Variants in TPRA1 observed in about 807,000 individuals in gnomAD.
TPRA1 encodes the protein transmembrane protein adipocyte associated 1, also known as transmembrane protein adipocyte-associated 1.
TPRA1 carries 28 observed loss-of-function variants against 40.1 expected under a neutral mutation model. That is an observed-to-expected ratio of 0.70 (90% confidence interval 0.52 to 0.96). The LOEUF is 0.96. TPRA1 is among the 40% of genes least tolerant of loss of function. The probability of loss-of-function intolerance (pLI) is 0.00; values close to 1 mark genes in which losing one functional copy is unlikely to be tolerated. For synonymous variants in TPRA1, 219 were observed against 209.7 expected, an observed-to-expected ratio of 1.04 and a Z score of -0.38; for missense variants, 441 against 482.6, an observed-to-expected ratio of 0.91 and a Z score of 0.81.
At chr3:127,577,712 T>C (rs1456817503) in intron 3 of TPRA1, among the ~76,000 whole-genome samples, 1 of 151,980 alleles carries the variant, frequency 6.6e-6, no homozygotes, top group African/African-American at 2.4e-5. Flanking sequence ...GGTATATCCA[T>C]CCCCTTCCTC....
chr3:127,571,375 CT>C lies in TPRA1; in HGVS notation c.*2145del, dbSNP rs571708469. The C allele has an allele frequency of 3.0e-4, 46 of 152,198 alleles. No individual in the cohort carries two copies. The highest frequency in any genetic ancestry group is 5.9e-4 in the Admixed American group (9 of 15,278). 9.4% of individuals were successfully genotyped at this position (152,198 alleles called of 1,614,324 possible). On this transcript the variant is annotated 3_prime_UTR_variant, in exon 11 of 11. Transcript: ENST00000355552. ...GACAACTATTGATCTCTGCAGAAGA[CT>C]AATAAGAGTAATTAAAACTAATTAA...
At chr3:127,586,228 G>A (rs917072291) in intron 1 of TPRA1, among the ~76,000 whole-genome samples, 2 of 152,288 alleles carry the variant, frequency 1.3e-5, no homozygotes, top group African/African-American at 2.4e-5. Flanking sequence ...TGTGCAGCGC[G>A]CCTCCTGCAT....
At chr3:127,575,658 A>G (rs41266479) in intron 8 of TPRA1, 91 bp downstream of exon 8, 191,504 of 1,547,354 alleles carry the variant, frequency 0.12, 12,534 homozygotes, top group East Asian at 0.18. Flanking sequence ...CTGGAACTCT[A>G]CAGCTCCAGC....
Position 127,580,002 on chromosome 3 carries a change from C to T in TPRA1, c.125+20G>A, listed in dbSNP as rs1450134540. On this transcript the variant is annotated intron_variant, in intron 2 of 10. Transcript: ENST00000355552. Reference sequence around the variant, plus strand: ...GCCACTGACACTCAGCGAGCCTGCCCAGCGTTGTGACTGCCTCACCTGGAG... The same window carrying T: ...GCCACTGACACTCAGCGAGCCTGCCTAGCGTTGTGACTGCCTCACCTGGAG... The T allele has an allele frequency of 8.7e-6, 14 of 1,612,898 alleles. No homozygotes were observed. The highest frequency in any genetic ancestry group is 5.9e-6 in the Non-Finnish European group (7 of 1,180,008).
upstream of TPRA1, among the ~76,000 whole-genome samples, chr3:127,592,711 G>C (rs1248298038): frequency 6.6e-6 from 1 of 152,222 alleles, no homozygotes; most frequent in East Asian, 1.9e-4. Context: ...ATGAGCGCCT[G>C]GGTGCAGGTG....
chr3:127,593,341 G>A (rs1253764962), upstream of TPRA1, among the ~76,000 whole-genome samples: 3 of 152,198 alleles, frequency 2.0e-5, no homozygotes, highest in Non-Finnish European at 1.5e-5. Context: ...TGATAGCCAT[G>A]GGGATGACAG....
intron 1 of TPRA1, among the ~76,000 whole-genome samples, chr3:127,584,511 G>GA (rs1205863559): frequency 7.6e-6 from 1 of 131,572 alleles, no homozygotes; most frequent in African/African-American, 2.9e-5. Context: ...AATGCTAAGT[G>GA]AAGAAAACAG....
chr3:127,577,102 A>G, intron 3 of TPRA1, 26 bp from the exon 4 acceptor site: 1 of 1,611,612 alleles, frequency 6.2e-7, no homozygotes, highest in South Asian at 1.1e-5. Flanking sequence ...GTGGTGTGGC[A>G]GTCAGGGAAC....
In TPRA1 at chr3:127,577,041, G is replaced by T. The variant is rs907313574; in HGVS notation, c.294C>A (p.Ala98=). Residue 98 remains alanine, a synonymous_variant, in exon 4 of 11, where the codon GCC becomes GCA. Coordinates refer to ENST00000355552, the MANE Select transcript of TPRA1 (RefSeq NM_001136053.4). The part of the protein sequence containing the change: ...FVVALVGIAR[A]VVSMTVSTSN... ...AGGTGCTCACCGTCATGGATACCAC[G>T]GCCCGGGCAATGCCCACCAGCGCCA... 15 of 1,613,454 alleles carry T rather than the reference G, an allele frequency of 9.3e-6. No homozygotes were observed. Among genetic ancestry groups the T allele is most frequent in the Non-Finnish European group, 1.3e-5 (15 of 1,180,038 alleles).
At chr3:127,578,390 AGCATG>A (rs767087466) in intron 3 of TPRA1, among the ~76,000 whole-genome samples, 9 of 152,222 alleles carry the variant, frequency 5.9e-5, no homozygotes, top group Non-Finnish European at 8.8e-5. Context: ...GTCACACAGC[AGCATG>A]GCTGGGGTTC....
chr3:127,598,155 C>G, exon 1 of TPRA1: 2 of 484,304 alleles, frequency 4.1e-6, no homozygotes, highest in Non-Finnish European at 7.5e-6. Context: ...GGTCACGCAG[C>G]CAGCAAGTGT....
At chr3:127,593,678 C>A (rs1389720403), upstream of TPRA1, among the ~76,000 whole-genome samples, 2 of 152,252 alleles carry the variant, frequency 1.3e-5, no homozygotes, top group East Asian at 1.9e-4. Flanking sequence ...TATCCCCCAC[C>A]ATGTACCTAT....
At chr3:127,586,664 C>T (rs1340171485) in intron 1 of TPRA1, among the ~76,000 whole-genome samples, 1 of 152,176 alleles carries the variant, frequency 6.6e-6, no homozygotes, top group Non-Finnish European at 1.5e-5. Context: ...CAGCTATCCC[C>T]ACCCCTATTA....
rs1413038675 is a variant in TPRA1, at chr3:127,573,358, T to C, written c.*163A>G. ...GTGAGAGCAGAGATGGCAAAGGGGA[T>C]TGGGAGCCCCAGGGAGGTGGGGCCT... On this transcript the variant is annotated 3_prime_UTR_variant, in exon 11 of 11. Transcript: ENST00000355552. The C allele has an allele frequency of 8.0e-6, 7 of 871,746 alleles. No homozygotes were observed. Among genetic ancestry groups the C allele is most frequent in the South Asian group, 3.9e-5 (2 of 51,564 alleles). 54.0% of individuals were successfully genotyped at this position (871,746 alleles called of 1,614,324 possible).
Position 127,576,638 on chromosome 3 carries a change from G to A in TPRA1, c.477C>T (p.Ser159=). ...TTACCTGGGTGACAGAGTAGGCCAG[G>A]GACAGCACTGTGGTGATGGCCAGCA... ...KRVLAITTVL[S]LAYSVTQGTL... The change falls in exon 6 of 11, where the codon TCC becomes TCT. Residue 159 remains serine (S), a synonymous_variant. Transcript: ENST00000355552. The surrounding 1 kb of genome is among the most constrained non-coding windows in gnomAD (Gnocchi z 4.6). The A allele has an allele frequency of 1.9e-6, 3 of 1,609,104 alleles. No homozygotes were observed. The highest frequency in any genetic ancestry group is 1.1e-5 in the South Asian group (1 of 90,136).
At chr3:127,584,447 T>TAAAAA (rs1163065087) in intron 1 of TPRA1, among the ~76,000 whole-genome samples, 449 of 20,820 alleles carry the variant, frequency 0.022, 64 homozygotes, top group African/African-American at 0.023. Flanking sequence ...AGACCCTGTC[T>TAAAAA]AAAAAAAAAA....
Position 127,576,873 on chromosome 3 carries a change from G to C in TPRA1, c.366C>G (p.Arg122=), listed in dbSNP as rs192027508. The change falls in exon 5 of 11, where the codon CGC becomes CGG. Residue 122 remains arginine (R), a synonymous_variant. Coordinates refer to ENST00000355552, the MANE Select transcript of TPRA1 (RefSeq NM_001136053.4). The surrounding 1 kb of genome is among the most constrained non-coding windows in gnomAD (Gnocchi z 4.6). ...TCAGCTCGATGGCCAGCAGGAAGAA[G>C]CGGGTGATCTCCCACAGGATCTGCA... ...VADKILWEIT[R]FFLLAIELSV... The C allele has an allele frequency of 1.3e-4, 216 of 1,613,856 alleles. 1 individual carries two copies. In the East Asian group the frequency reaches 4.1e-3, roughly 30 times the overall value.
chr3:127,575,330 C>T (rs1465419404), intron 9 of TPRA1, 65 bp from the exon 10 acceptor site: 3 of 1,584,350 alleles, frequency 1.9e-6, no homozygotes, highest in Non-Finnish European at 2.6e-6. Flanking sequence ...CTCCCCATGC[C>T]CCCAGCGGGT....
Position 127,576,479 on chromosome 3 carries a change from C to T in TPRA1, c.498+138G>A, listed in dbSNP as rs1214121556. The T allele has an allele frequency of 8.4e-5, 71 of 844,276 alleles. No homozygotes were observed. In the Admixed American group the frequency reaches 1.8e-3, roughly 22 times the overall value. The allele number at this position is 844,276 out of a possible 1,614,324, so 52.3% of individuals were successfully genotyped here. On this transcript the variant is annotated intron_variant, in intron 6 of 10. Transcript: ENST00000355552. The surrounding 1 kb of genome is among the most constrained non-coding windows in gnomAD (Gnocchi z 4.6). ...CCCCAGAATGTGCCTCGGTAACAAGCACCCCATGTGATTTCTCAGGTGCAA... is the reference window on the plus strand; with the variant it reads ...CCCCAGAATGTGCCTCGGTAACAAGTACCCCATGTGATTTCTCAGGTGCAA...
Sources: allele counts gnomAD v4.1 joint callset (sites outside exome capture counted in the v4.1 genomes callset), GRCh38; gene constraint gnomAD v4.1.1; non-coding constraint Gnocchi (gnomAD v3.1); transcripts MANE v1.5; gene names NCBI Gene and HGNC (gene_info 2026-07-23, HGNC 2026-07-21).